The following MSRB3 variants were observed in gnomAD, a reference collection of about 807,000 sequenced individuals.
The protein encoded by MSRB3 is methionine sulfoxide reductase B3.
Under a neutral mutation model 21.0 loss-of-function variants are expected in MSRB3, and 13 were observed. The ratio of observed to expected loss-of-function variants is 0.62; its 90% confidence interval spans 0.40 to 0.98. MSRB3 has a LOEUF of 0.98. Ranked by LOEUF, MSRB3 falls within the 50% of genes least tolerant of loss-of-function variation. The pLI, the probability that MSRB3 is intolerant of heterozygous loss-of-function variation, is 0.00. For missense variants in MSRB3, 199 were observed against 230.3 expected (o/e 0.86, Z 0.88); for synonymous variants, 87 against 88.6 (o/e 0.98, Z 0.10).
intron 5 of MSRB3, among the ~76,000 whole-genome samples, chr12:65,401,893 AT>A (rs1316308602): frequency 1.3e-5 from 2 of 152,194 alleles, no homozygotes; most frequent in East Asian, 3.8e-4. Flanking sequence ...TGGATATGAA[AT>A]TCTCAGTTTA....
chr12:65,288,978 G>T (rs1031191955), intron 1 of MSRB3, among the ~76,000 whole-genome samples: 80 of 151,992 alleles, frequency 5.3e-4, no homozygotes, highest in African/African-American at 1.9e-3. Flanking sequence ...AAGGTATAAA[G>T]AATATTTTAA....
intron 5 of MSRB3, among the ~76,000 whole-genome samples, chr12:65,374,940 C>T (rs756490053): frequency 1.3e-5 from 2 of 152,028 alleles, no homozygotes; most frequent in Non-Finnish European, 2.9e-5. Flanking sequence ...AGCTCCGCCT[C>T]CCAGGTTTAC....
intron 4 of MSRB3, among the ~76,000 whole-genome samples, chr12:65,348,915 T>C (rs1876729433): frequency 6.9e-6 from 1 of 145,264 alleles, no homozygotes; most frequent in Non-Finnish European, 1.5e-5. Flanking sequence ...GTTTCTTTTC[T>C]TTTTTTATAT....
chr12:65,330,571 G>A (rs1875346667), intron 4 of MSRB3, among the ~76,000 whole-genome samples: 2 of 152,088 alleles, frequency 1.3e-5, no homozygotes, highest in Non-Finnish European at 2.9e-5. Flanking sequence ...AGAGTCTGTG[G>A]TTGGCTGCGT....
intron 5 of MSRB3, among the ~76,000 whole-genome samples, chr12:65,393,587 C>T (rs540224711): frequency 8.2e-4 from 113 of 137,402 alleles, no homozygotes; most frequent in South Asian, 4.5e-4. Flanking sequence ...GCCGAGATCA[C>T]GCCACTGCAC....
chr12:65,419,837 C>T (rs1881186422), intron 5 of MSRB3: 2 of 780,120 alleles, frequency 2.6e-6, no homozygotes, highest in Non-Finnish European at 2.2e-6. Context: ...CGGCCAGGCC[C>T]CTGGACCCCA....
At chr12:65,438,716 A>C (rs185990780) in intron 5 of MSRB3, among the ~76,000 whole-genome samples, 2 of 151,920 alleles carry the variant, frequency 1.3e-5, no homozygotes, top group African/African-American at 4.8e-5. Context: ...AGGAAAGGGA[A>C]GCAGAAAAGG....
chr12:65,309,160 G>A (rs1873835275), intron 2 of MSRB3, among the ~76,000 whole-genome samples: 1 of 152,120 alleles, frequency 6.6e-6, no homozygotes, highest in African/African-American at 2.4e-5. Flanking sequence ...CAAATAAACA[G>A]AACTAATATA....
intron 6 of MSRB3, among the ~76,000 whole-genome samples, chr12:65,457,360 TCCCTC>T (rs1883136668): frequency 6.6e-6 from 1 of 152,132 alleles, no homozygotes; most frequent in Admixed American, 6.5e-5. Context: ...CCTAATGCTA[TCCCTC>T]CCCTAGCCCC....
chr12:65,426,640 GCTCTTTGT>G (rs1881612504), intron 5 of MSRB3, among the ~76,000 whole-genome samples: 1 of 151,884 alleles, frequency 6.6e-6, no homozygotes, highest in African/African-American at 2.4e-5. Context: ...AAGCTTTCTG[GCTCTTTGT>G]CTCTTTATTC....
intron 4 of MSRB3, among the ~76,000 whole-genome samples, chr12:65,344,647 C>T (rs764807988): frequency 6.6e-6 from 1 of 151,878 alleles, no homozygotes; most frequent in African/African-American, 2.4e-5. Context: ...AACAGTGATG[C>T]TTTTTCAATG....
At chr12:65,412,690 T>TG (rs2136627603) in intron 5 of MSRB3, among the ~76,000 whole-genome samples, 1 of 152,242 alleles carries the variant, frequency 6.6e-6, no homozygotes, top group South Asian at 2.1e-4. Flanking sequence ...GTGTATGGTT[T>TG]GGCAGTCTCT....
chr12:65,416,942 A>G (rs1284247439), intron 5 of MSRB3, among the ~76,000 whole-genome samples: 1 of 152,116 alleles, frequency 6.6e-6, no homozygotes, highest in Non-Finnish European at 1.5e-5. Flanking sequence ...CTTGGTTTGT[A>G]TTGGTGAAGT....
chr12:65,406,147 G>C (rs1880401359), intron 5 of MSRB3, among the ~76,000 whole-genome samples: 1 of 152,124 alleles, frequency 6.6e-6, no homozygotes, highest in Non-Finnish European at 1.5e-5. Flanking sequence ...ACACTGTCCA[G>C]ATAAGTGTCA....
intron 5 of MSRB3, among the ~76,000 whole-genome samples, chr12:65,450,003 A>G (rs533050942): frequency 6.6e-6 from 1 of 152,332 alleles, no homozygotes; most frequent in East Asian, 1.9e-4. Context: ...TGTCAACAGA[A>G]TACTACTTGT....
chr12:65,393,038 A>G lies in MSRB3; in HGVS notation c.292+24012A>G, dbSNP rs1255223280. ...TGATTTACTGCTCTATAGTAAATAA[A>G]AATTCTTTAGTGTTATGTCTTGTGA... is the stretch of plus-strand genomic sequence containing the variant. On this transcript the variant is annotated intron_variant, in intron 5 of 6. Coordinates refer to ENST00000308259, the MANE Select transcript of MSRB3 (RefSeq NM_001031679.3). Among the ~76,000 whole-genome samples the G allele has an allele frequency of 2.0e-5, 3 of 152,282 alleles. No homozygotes were observed. In the East Asian group the frequency reaches 5.8e-4, roughly 29 times the overall value.
At chr12:65,299,252 C>T (rs571788431) in intron 1 of MSRB3, among the ~76,000 whole-genome samples, 2 of 152,238 alleles carry the variant, frequency 1.3e-5, no homozygotes, top group East Asian at 3.9e-4. Flanking sequence ...TTCTGTTTAC[C>T]ATTGTTAGAC....
chr12:65,335,144 G>A (rs529426876), intron 4 of MSRB3, among the ~76,000 whole-genome samples: 2 of 152,138 alleles, frequency 1.3e-5, no homozygotes, highest in Non-Finnish European at 1.5e-5. Context: ...CCAAACAGGT[G>A]TAAAAACTAA....
intron 5 of MSRB3, among the ~76,000 whole-genome samples, chr12:65,401,243 C>G (rs909042347): frequency 2.6e-5 from 4 of 152,156 alleles, no homozygotes; most frequent in Non-Finnish European, 5.9e-5. Flanking sequence ...GTATGGGAGT[C>G]TAAATCTCTT....
Sources: gnomAD v4.1 joint callset for allele counts (sites outside exome capture counted in the v4.1 genomes callset) on GRCh38, gnomAD v4.1.1 for gene constraint, MANE v1.5 for transcripts, NCBI Gene and HGNC (gene_info 2026-07-23, HGNC 2026-07-21) for gene names.